Variants in PTK2 observed in about 807,000 individuals in gnomAD.
PTK2 encodes the protein focal adhesion kinase 1.
A neutral mutation model predicts 150.1 loss-of-function variants in PTK2; 45 were observed. That is an observed-to-expected ratio of 0.30 (90% CI 0.24 to 0.38). PTK2 has a LOEUF of 0.38. Among genes scored for constraint, PTK2 ranks in the 10% least tolerant of loss-of-function variants. PTK2 has a pLI of 1.00. For synonymous variants in PTK2, 432 were observed against 449.2 expected (o/e 0.96, Z 0.48); for missense variants, 919 against 1,307.3 (o/e 0.70, Z 4.58).
intron 1 of PTK2, among the ~76,000 whole-genome samples, chr8:140,958,042 C>T (rs752116132): frequency 6.6e-6 from 1 of 152,208 alleles, no homozygotes; most frequent in Admixed American, 6.5e-5. Context: ...GAGTTAACTA[C>T]CTTTTTCTTG....
chr8:140,755,768 C>T (rs2100065310), intron 16 of PTK2, among the ~76,000 whole-genome samples: 1 of 152,132 alleles, frequency 6.6e-6, no homozygotes, highest in Non-Finnish European at 1.5e-5. Flanking sequence ...AAAATGATTA[C>T]AAAATTGCTC....
intron 31 of PTK2, chr8:140,662,863 A>G: frequency 2.3e-6 from 1 of 432,710 alleles, no homozygotes; most frequent in Non-Finnish European, 4.1e-6. Context: ...CAACTTTAAG[A>G]ATACTCTATA....
At chr8:140,982,165 T>C (rs866286953) in intron 1 of PTK2, among the ~76,000 whole-genome samples, 2 of 152,136 alleles carry the variant, frequency 1.3e-5, no homozygotes, top group African/African-American at 4.8e-5. Flanking sequence ...CAGTTTATTT[T>C]GATTCAAGTA....
chr8:140,660,737 C>G (rs149695996), intron 31 of PTK2: 4 of 400,896 alleles, frequency 1.0e-5, no homozygotes, highest in Non-Finnish European at 2.0e-5. Context: ...CGCCCCTCCC[C>G]CCGCACACAT....
chr8:140,757,378 C>A (rs1311257456), intron 16 of PTK2, among the ~76,000 whole-genome samples: 1 of 151,804 alleles, frequency 6.6e-6, no homozygotes, highest in Admixed American at 6.6e-5. Flanking sequence ...ACAATACACC[C>A]ATAGTTAAAA....
At chr8:140,797,720 A>G (rs760370192) in intron 12 of PTK2, among the ~76,000 whole-genome samples, 8 of 152,210 alleles carry the variant, frequency 5.3e-5, no homozygotes, top group Admixed American at 6.5e-5. Flanking sequence ...CCCTACAGAA[A>G]GGGCCAAGGT....
At chr8:140,995,022 G>A (rs1048693193) in intron 1 of PTK2, among the ~76,000 whole-genome samples, 1 of 150,660 alleles carries the variant, frequency 6.6e-6, no homozygotes, top group South Asian at 2.1e-4. Flanking sequence ...GGCAAAGGCT[G>A]TGGTGAGCTG....
At chr8:140,819,899 C>G in intron 8 of PTK2, among the ~76,000 whole-genome samples, 1 of 152,022 alleles carries the variant, frequency 6.6e-6, no homozygotes, top group East Asian at 1.9e-4. Context: ...AAGCAGCAAA[C>G]CCCCAGTCCT....
chr8:140,669,653 G>GT, intron 29 of PTK2, 74 bp downstream of exon 33: 2 of 1,489,690 alleles, frequency 1.3e-6, no homozygotes, highest in African/African-American at 1.4e-5. Flanking sequence ...CTGCTTTCCA[G>GT]TCCAAAGTTA....
At chr8:140,935,702 C>CTTTTTTTTTTTTTTTTTTTTTTTTT (rs34554819) in intron 1 of PTK2, among the ~76,000 whole-genome samples, 1 of 123,860 alleles carries the variant, frequency 8.1e-6, no homozygotes, top group Non-Finnish European at 1.6e-5. Flanking sequence ...ATGTCCTCAT[C>CTTTTTTTTTTTTTTTTTTTTTTTTT]TTTTTTTTTT....
At chr8:140,979,943 G>A (rs971710719) in intron 1 of PTK2, among the ~76,000 whole-genome samples, 2 of 152,142 alleles carry the variant, frequency 1.3e-5, no homozygotes, top group African/African-American at 4.8e-5. Flanking sequence ...GTCTTTATCA[G>A]TAGCGTGAAA....
At chr8:140,921,141 C>G in intron 2 of PTK2, 2 of 1,257,838 alleles carry the variant, frequency 1.6e-6, no homozygotes, top group Non-Finnish European at 2.0e-6. Context: ...ATCTGAAACA[C>G]AGACCATCCT....
rs946952798 is a variant in PTK2 at position 140,803,727 on chromosome 8, ATCC to A, written c.868-80_868-78del. The A allele has an allele frequency of 2.3e-5, 31 of 1,331,192 alleles. 2 individuals carry two copies. In the African/African-American group the frequency reaches 2.5e-4, roughly 11 times the overall value. 82.5% of individuals were successfully genotyped at this position (1,331,192 alleles called of 1,614,324 possible). Reference sequence around the variant, plus strand: ...ACAGAGTCTGTAAATGTTCTGTGAAATCCTCGTTGTCCTGAAGACATCCTCCCT... The same window carrying A: ...ACAGAGTCTGTAAATGTTCTGTGAAATCGTTGTCCTGAAGACATCCTCCCT... On this transcript the variant is annotated intron_variant, in intron 10 of 31. Coordinates refer to ENST00000522684, the Ensembl canonical transcript of PTK2.
chr8:140,682,958 C>T (rs1051812537), intron 27 of PTK2, among the ~76,000 whole-genome samples: 1 of 151,950 alleles, frequency 6.6e-6, no homozygotes, highest in Non-Finnish European at 1.5e-5. Context: ...AAAACAAGAG[C>T]AAATCAACCC....
chr8:140,678,133 G>A (rs1345878222), intron 27 of PTK2, among the ~76,000 whole-genome samples: 1 of 152,188 alleles, frequency 6.6e-6, no homozygotes, highest in Non-Finnish European at 1.5e-5. Flanking sequence ...TGCAACCTCT[G>A]CAGCCCAGGT....
intron 12 of PTK2, among the ~76,000 whole-genome samples, chr8:140,799,494 A>G (rs908638181): frequency 9.9e-5 from 15 of 152,188 alleles, no homozygotes; most frequent in Non-Finnish European, 4.4e-5. Context: ...CCACAGCGTG[A>G]GCTGCTTTAC....
intron 26 of PTK2, among the ~76,000 whole-genome samples, chr8:140,693,063 TA>T (rs375405290): frequency 2.9e-3 from 422 of 144,048 alleles, no homozygotes; most frequent in East Asian, 0.018. Flanking sequence ...CATGCAGTAA[TA>T]AAAAAAAAAA....
intron 1 of PTK2, among the ~76,000 whole-genome samples, chr8:140,980,548 G>A (rs906302347): frequency 2.0e-5 from 3 of 152,044 alleles, no homozygotes; most frequent in African/African-American, 4.8e-5. Context: ...TGTGAACCCG[G>A]GAGGCGGAGG....
chr8:140,950,523 C>T (rs1322953320), intron 1 of PTK2, among the ~76,000 whole-genome samples: 1 of 152,252 alleles, frequency 6.6e-6, no homozygotes, highest in South Asian at 2.1e-4. Flanking sequence ...CACCCACACA[C>T]CCCTCACAGC....
Sources: gnomAD v4.1 joint callset for allele counts (sites outside exome capture counted in the v4.1 genomes callset) on GRCh38, gnomAD v4.1.1 for gene constraint, MANE v1.5 for transcripts, NCBI Gene and HGNC (gene_info 2026-07-23, HGNC 2026-07-21) for gene names.